Variants in DTNB observed in about 807,000 individuals in gnomAD.
DTNB encodes dystrobrevin beta.
DTNB carries 63 observed loss-of-function variants against 90.7 expected under a neutral mutation model. The ratio of observed to expected loss-of-function variants is 0.69; its 90% confidence interval spans 0.57 to 0.86. DTNB has a LOEUF of 0.86. Among genes scored for constraint, DTNB ranks in the 40% least tolerant of loss-of-function variants. The pLI, the probability that DTNB is intolerant of heterozygous loss-of-function variation, is 0.00. For missense variants in DTNB, 744 were observed against 807.1 expected, an observed-to-expected ratio of 0.92 and a Z score of 0.95; for synonymous variants, 277 against 286.7, an observed-to-expected ratio of 0.97 and a Z score of 0.34.
At position 25,599,812 on chromosome 2, in the gene DTNB, T is replaced by C. The variant is rs115654736; in HGVS notation, c.449-3572A>G. Among the ~76,000 whole-genome samples the C allele has an allele frequency of 5.5e-3, 841 of 152,248 alleles. 3 individuals are homozygous for C. Among genetic ancestry groups the C allele is most frequent in the Non-Finnish European group, 9.2e-3 (626 of 68,022 alleles). Reference sequence around the variant, plus strand: ...ATTTAACCTTTAAATAGCTGGCTGCTGGTCAGGCGTGGTGGCTCACACCTG... The same window carrying C: ...ATTTAACCTTTAAATAGCTGGCTGCCGGTCAGGCGTGGTGGCTCACACCTG... On this transcript the variant is annotated intron_variant, in intron 5 of 20. Transcript: ENST00000406818.
intron 5 of DTNB, among the ~76,000 whole-genome samples, chr2:25,597,332 T>G (rs189603986): frequency 9.2e-5 from 14 of 151,458 alleles, no homozygotes; most frequent in African/African-American, 3.2e-4. Context: ...GAGTGAGACC[T>G]TGTCTCCAAA....
At chr2:25,450,942 C>T (rs2059185281) in intron 12 of DTNB, among the ~76,000 whole-genome samples, 1 of 152,110 alleles carries the variant, frequency 6.6e-6, no homozygotes, top group Non-Finnish European at 1.5e-5. Context: ...GCATCTGGGA[C>T]TACAGGTGCG....
chr2:25,422,902 G>A (rs984002500), intron 15 of DTNB, among the ~76,000 whole-genome samples: 1 of 151,892 alleles, frequency 6.6e-6, no homozygotes, highest in African/African-American at 2.4e-5. Context: ...TCTACATTAT[G>A]TCATTAAAAA....
At chr2:25,563,287 C>A (rs1045170734) in intron 8 of DTNB, among the ~76,000 whole-genome samples, 1 of 152,138 alleles carries the variant, frequency 6.6e-6, no homozygotes, top group Non-Finnish European at 1.5e-5. Flanking sequence ...CATTTTAAAA[C>A]TGGGTTAGTT....
chr2:25,574,520 A>G (rs2060367639), intron 8 of DTNB, among the ~76,000 whole-genome samples: 1 of 152,256 alleles, frequency 6.6e-6, no homozygotes, highest in Non-Finnish European at 1.5e-5. Context: ...CACATCTACA[A>G]TGAAAATTCT....
At chr2:25,535,232 C>G (rs1200149053) in intron 8 of DTNB, among the ~76,000 whole-genome samples, 3 of 147,316 alleles carry the variant, frequency 2.0e-5, no homozygotes, top group Non-Finnish European at 4.5e-5. Flanking sequence ...TATGGGTGGC[C>G]AGGCAGAGAC....
intron 12 of DTNB, among the ~76,000 whole-genome samples, chr2:25,451,027 A>G (rs1303484526): frequency 9.2e-5 from 14 of 152,100 alleles, no homozygotes; most frequent in African/African-American, 3.4e-4. Context: ...GGTGGTCTCA[A>G]ACTCCTGAGC....
intron 1 of DTNB, among the ~76,000 whole-genome samples, chr2:25,666,342 A>T (rs1356950814): frequency 6.6e-6 from 1 of 152,230 alleles, no homozygotes; most frequent in Non-Finnish European, 1.5e-5. Flanking sequence ...CCCAATTAAA[A>T]ATATTTACCA....
intron 2 of DTNB, among the ~76,000 whole-genome samples, chr2:25,642,216 T>G (rs1053782098): frequency 7.9e-5 from 12 of 152,220 alleles, no homozygotes; most frequent in Middle Eastern, 3.4e-3. Flanking sequence ...TATATGTGTA[T>G]GTGTGTGTGT....
rs752284982 is a variant in DTNB at position 25,455,457 on chromosome 2, C to T, written c.1117G>A (p.Asp373Asn). ...YSQDIPSHLADEHALIASYVA... is the reference protein window; with the variant it reads ...YSQDIPSHLANEHALIASYVA... ...TAGGAGGCTATCAGCGCATGCTCAT[C>T]GGCCAAGTGACTGGGTATATCCTGG... Residue 373 changes from aspartate to asparagine, a missense_variant, in exon 11 of 21, where the codon GAT (aspartate) becomes AAT (asparagine). By Grantham distance (23) the Asp-to-Asn change is conservative. Transcript: ENST00000406818. 172 of 1,607,374 alleles carry T rather than the reference C, an allele frequency of 1.1e-4. No homozygotes were observed. In the South Asian group the frequency reaches 1.2e-3, roughly 11 times the overall value.
chr2:25,456,757 G>C lies in DTNB; in HGVS notation c.1080-1263C>G, dbSNP rs184248818. Among the ~76,000 whole-genome samples, 262 of 151,914 alleles carry C rather than the reference G, an allele frequency of 1.7e-3. 1 individual carries two copies. Among genetic ancestry groups the C allele is most frequent in the African/African-American group, 6.0e-3 (250 of 41,434 alleles). On this transcript the variant is annotated intron_variant, in intron 10 of 20. Transcript: ENST00000406818. ...AATTTTTGTATTTTTAGTAGAGACGGGTTTTCGCCTCTGTTGGCCAGGCTG... is the reference window on the plus strand; with the variant it reads ...AATTTTTGTATTTTTAGTAGAGACGCGTTTTCGCCTCTGTTGGCCAGGCTG...
At chr2:25,607,460 A>T in intron 4 of DTNB, 139 bp from the exon 5 acceptor site, 1 of 628,328 alleles carries the variant, frequency 1.6e-6, no homozygotes, top group Non-Finnish European at 2.4e-6. Flanking sequence ...GAAACCCTGG[A>T]TTTTTTTTTT....
rs1277367819 is a variant in DTNB at position 25,387,025 on chromosome 2, A to T, written c.1825+264T>A. ...GAGGAAGGGGCCTGCCTGCACTGAA[A>T]GGTCTGAATTTCTCTACATTCAGCT... On this transcript the variant is annotated intron_variant, in intron 18 of 20. Transcript: ENST00000406818. This position sits in a 1 kb window ranked among gnomAD's most constrained non-coding sequence, Gnocchi z 4.5. Among the ~76,000 whole-genome samples, 4 of 152,172 alleles carry T rather than the reference A, an allele frequency of 2.6e-5. No individual in the cohort carries two copies. The highest frequency in any genetic ancestry group is 4.4e-5 in the Non-Finnish European group (3 of 68,034).
chr2:25,596,900 T>C (rs985036953), intron 5 of DTNB, among the ~76,000 whole-genome samples: 14 of 152,224 alleles, frequency 9.2e-5, no homozygotes, highest in Admixed American at 2.0e-4. Flanking sequence ...CTTCCAGTAA[T>C]ATTACTCCAA....
intron 9 of DTNB, among the ~76,000 whole-genome samples, chr2:25,518,600 TAC>T (rs900246551): frequency 2.0e-5 from 3 of 151,890 alleles, no homozygotes; most frequent in East Asian, 1.9e-4. Flanking sequence ...CACACTCACG[TAC>T]ACACACACAT....
At chr2:25,648,407 T>C (rs1185979574) in intron 2 of DTNB, among the ~76,000 whole-genome samples, 2 of 151,106 alleles carry the variant, frequency 1.3e-5, no homozygotes, top group Non-Finnish European at 1.5e-5. Context: ...TAAAAACTAC[T>C]GTCTAAAAAC....
At chr2:25,400,038 G>C (rs1202530232) in intron 16 of DTNB, among the ~76,000 whole-genome samples, 1 of 152,208 alleles carries the variant, frequency 6.6e-6, no homozygotes, top group Non-Finnish European at 1.5e-5. Flanking sequence ...CCGTACCACA[G>C]CTGCTGGCCA....
chr2:25,653,501 TTCTTTC>T (rs1460313155), intron 1 of DTNB, among the ~76,000 whole-genome samples: 3 of 131,768 alleles, frequency 2.3e-5, no homozygotes, highest in African/African-American at 5.8e-5. Context: ...CTTTCTTTCT[TTCTTTC>T]TTTCTTTCTT....
chr2:25,437,493 C>T (rs1246470218), intron 12 of DTNB, among the ~76,000 whole-genome samples: 5 of 152,104 alleles, frequency 3.3e-5, no homozygotes, highest in Admixed American at 2.0e-4. Context: ...AACTCCTGAC[C>T]TCAAGTGATC....
Sources: allele counts gnomAD v4.1 joint callset (sites outside exome capture counted in the v4.1 genomes callset), GRCh38; gene constraint gnomAD v4.1.1; non-coding constraint Gnocchi (gnomAD v3.1); transcripts MANE v1.5; gene names NCBI Gene and HGNC (gene_info 2026-07-23, HGNC 2026-07-21).